ADGRF5: variants seen among roughly 807,000 people sequenced by gnomAD.
ADGRF5 encodes the protein G-protein coupled receptor 116.
Under a neutral mutation model 132.3 loss-of-function variants are expected in ADGRF5, and 75 were observed. The ratio of observed to expected loss-of-function variants is 0.57; its 90% CI spans 0.47 to 0.69. The LOEUF (loss-of-function observed/expected upper bound fraction) is 0.69. ADGRF5 is among the 30% of genes least tolerant of loss of function. ADGRF5 has a pLI of 0.00. For synonymous variants in ADGRF5, 629 were observed against 597.6 expected (o/e 1.05, Z -0.77); for missense variants, 1,516 against 1,630.6 (o/e 0.93, Z 1.21).
At chr6:46,868,846 C>G in intron 12 of ADGRF5, 37 bp downstream of exon 12, 1 of 1,330,862 alleles carries the variant, frequency 7.5e-7, no homozygotes, top group Non-Finnish European at 1.1e-6. Flanking sequence ...TTCCAAGAGC[C>G]CAGGCAGCAC....
chr6:46,869,319 C>T, intron 11 of ADGRF5: 1 of 985,294 alleles, frequency 1.0e-6, no homozygotes, highest in Non-Finnish European at 1.2e-6. Context: ...ATTTCCATCA[C>T]ATGCCTTAGG....
At chr6:46,899,070 T>C (rs1354991828) in intron 3 of ADGRF5, among the ~76,000 whole-genome samples, 2 of 151,974 alleles carry the variant, frequency 1.3e-5, no homozygotes, top group Non-Finnish European at 2.9e-5. Flanking sequence ...ATGTTGTGAA[T>C]GGAAATGTAT....
At chr6:46,910,978 G>T (rs1443557630) in intron 1 of ADGRF5, among the ~76,000 whole-genome samples, 2 of 152,088 alleles carry the variant, frequency 1.3e-5, no homozygotes, top group African/African-American at 2.4e-5. Context: ...TCAAATGCAG[G>T]CTCACTCTGG....
At chr6:46,862,601 C>G (rs1402876459) in intron 15 of ADGRF5, among the ~76,000 whole-genome samples, 6 of 150,994 alleles carry the variant, frequency 4.0e-5, no homozygotes, top group Non-Finnish European at 7.4e-5. Context: ...ACCGCTGCCC[C>G]CTGGAGGTAT....
chr6:46,861,456 T>G (rs514313), intron 15 of ADGRF5, among the ~76,000 whole-genome samples: 1 of 152,152 alleles, frequency 6.6e-6, no homozygotes, highest in Admixed American at 6.5e-5. Flanking sequence ...TACTTAATCG[T>G]ATAGAATAGC....
intron 1 of ADGRF5, among the ~76,000 whole-genome samples, chr6:46,945,611 T>C (rs936239841): frequency 6.6e-6 from 1 of 152,238 alleles, no homozygotes; most frequent in Non-Finnish European, 1.5e-5. Flanking sequence ...TGCAAAGCAC[T>C]TAGCAGGGAG....
chr6:46,938,998 G>C (rs987863364), intron 1 of ADGRF5, among the ~76,000 whole-genome samples: 2 of 151,826 alleles, frequency 1.3e-5, no homozygotes, highest in African/African-American at 2.4e-5. Context: ...AGCCTCCCAA[G>C]TAGCTGGGAC....
chr6:46,870,257 A>G (rs1770909019), intron 11 of ADGRF5, among the ~76,000 whole-genome samples: 1 of 152,026 alleles, frequency 6.6e-6, no homozygotes, highest in Non-Finnish European at 1.5e-5. Context: ...GGCTTAATTG[A>G]TCCTCATGCT....
At chr6:46,877,318 CTTCCTTCT>C (rs1562175262) in intron 10 of ADGRF5, among the ~76,000 whole-genome samples, 14 of 21,640 alleles carry the variant, frequency 6.5e-4, no homozygotes, top group Middle Eastern at 0.016. Context: ...TCCTTCCTTC[CTTCCTTCT>C]TTCTTTCTTT....
At position 46,858,333 on chromosome 6, in the gene ADGRF5, A is replaced by C; in HGVS notation, c.3570T>G (p.Thr1190=). ...LIIVVVNITI[T]IVVITKILRP... is the part of the protein sequence containing the mutation. ...TCAGGATCTTGGTGATGACCACAAT[A>C]GTGATGGTTATGTTCACCACCACAA... is the stretch of plus-strand genomic sequence containing the variant. Residue 1190 remains threonine (T), a synonymous_variant, in exon 17 of 21, where the codon ACT becomes ACG. Coordinates refer to ENST00000283296, the MANE Select transcript of ADGRF5 (RefSeq NM_001098518.2). 6.2e-7 allele frequency: 1 copy of C among 1,613,764 alleles called. No homozygotes were observed. The highest frequency in any genetic ancestry group is 8.5e-7 in the Non-Finnish European group (1 of 1,179,744).
At chr6:46,929,498 TAAAATA>T (rs10625233) in intron 1 of ADGRF5, among the ~76,000 whole-genome samples, 5 of 135,202 alleles carry the variant, frequency 3.7e-5, no homozygotes, top group East Asian at 2.1e-4. Context: ...ATAATAATAA[TAAAATA>T]AAAATAAAAA....
rs568053756 is a variant in ADGRF5, at chr6:46,882,065, T to A, written c.655A>T (p.Thr219Ser). The A allele has an allele frequency of 2.5e-6, 4 of 1,610,248 alleles. No homozygotes were observed. In the South Asian group the frequency reaches 4.4e-5, roughly 18 times the overall value. Residue 219 changes from threonine to serine, a missense_variant, in exon 7 of 21, where the codon ACT becomes TCT. Coordinates refer to ENST00000283296, the MANE Select transcript of ADGRF5 (RefSeq NM_001098518.2). Reference sequence around the variant, plus strand: ...TATTCTTACTTGAACCCTGTCACAGTCACGCCCTTGAAGCCTGGTAAAATT... The same window carrying A: ...TATTCTTACTTGAACCCTGTCACAGACACGCCCTTGAAGCCTGGTAAAATT... ...YGILPGFKGV[T>S]VTGFKSGSVV...
At chr6:46,883,088 C>A (rs761668597) in intron 6 of ADGRF5, among the ~76,000 whole-genome samples, 6 of 152,202 alleles carry the variant, frequency 3.9e-5, no homozygotes, top group Non-Finnish European at 8.8e-5. Context: ...TGTTGGAATA[C>A]TCTCTATTTT....
Position 46,942,498 on chromosome 6 carries a change from C to G in ADGRF5, c.-25+12236G>C, listed in dbSNP as rs1264022151. The stretch of plus-strand genomic sequence containing the variant: ...CTTAAATTTGGGTAAGTTACTTAAT[C>G]TCTCTGATCCTCAGTTTTCTTATGT... On this transcript the variant is annotated intron_variant, in intron 1 of 20. Transcript: ENST00000265417. Among the ~76,000 whole-genome samples the G allele has an allele frequency of 2.6e-5, 4 of 152,308 alleles. No individual in the cohort carries two copies. The East Asian group carries it at 7.7e-4, about 29-fold the overall frequency.
At chr6:46,919,659 G>A (rs1363707750) in intron 1 of ADGRF5, among the ~76,000 whole-genome samples, 2 of 152,132 alleles carry the variant, frequency 1.3e-5, no homozygotes, top group East Asian at 1.9e-4. Flanking sequence ...TCTCTCATGT[G>A]GCTAACACTG....
chr6:46,868,035 C>A (rs548625), intron 12 of ADGRF5, among the ~76,000 whole-genome samples: 127,027 of 152,186 alleles, frequency 0.83, 54,874 homozygotes, highest in East Asian at 0.99. Flanking sequence ...CAAGTCCAGC[C>A]CAAACAATAA....
intron 1 of ADGRF5, 129 bp downstream of exon 1, chr6:46,921,584 C>A (rs76199887): frequency 0.057 from 8,605 of 152,296 alleles, 307 homozygotes; most frequent in Non-Finnish European, 0.077. Flanking sequence ...ATCACACCTA[C>A]GCAAAAGAAA....
intron 7 of ADGRF5, 131 bp from the exon 8 acceptor site, chr6:46,881,728 T>G: frequency 2.8e-6 from 2 of 714,542 alleles, no homozygotes; most frequent in Non-Finnish European, 4.7e-6. Context: ...TGGATCTGAC[T>G]GGCCAGCAGG....
chr6:46,863,284 A>G (rs1562150265), intron 14 of ADGRF5, 188 bp from the exon 15 acceptor site: 1 of 683,552 alleles, frequency 1.5e-6, no homozygotes, highest in Non-Finnish European at 2.7e-6. Context: ...TGCTTTCCAC[A>G]TGAACCTGAC....
Sources: allele counts gnomAD v4.1 joint callset (sites outside exome capture counted in the v4.1 genomes callset), GRCh38; gene constraint gnomAD v4.1.1; transcripts MANE v1.5; gene names NCBI Gene and HGNC (gene_info 2026-07-23, HGNC 2026-07-21).